NPHP4: variants seen among roughly 807,000 people sequenced by gnomAD.
The protein encoded by NPHP4 is nephrocystin 4, also known as nephrocystin-4.
In NPHP4, 151 loss-of-function variants were observed where a neutral mutation model predicts 155.8. That is an observed-to-expected ratio of 0.97 (90% CI 0.85 to 1.11). The LOEUF is 1.11. Ranked by LOEUF, NPHP4 falls within the 50% of genes least tolerant of loss-of-function variation. NPHP4 has a pLI of 0.00. For missense variants in NPHP4, 1,956 were observed against 1,925.7 expected (o/e 1.02, Z -0.29); for synonymous variants, 845 against 816.8 (o/e 1.03, Z -0.59).
intron 11 of NPHP4, among the ~76,000 whole-genome samples, chr1:5,909,744 T>C (rs1275643703): frequency 1.3e-5 from 2 of 152,138 alleles, no homozygotes; most frequent in Non-Finnish European, 2.9e-5. Context: ...GAGGCGCACC[T>C]GGGGGAGGCA....
chr1:5,864,365 G>C lies in NPHP4; in HGVS notation c.3969C>G (p.Leu1323=). The C allele has an allele frequency of 6.2e-7, 1 of 1,609,088 alleles. No homozygotes were observed. The highest frequency in any genetic ancestry group is 8.5e-7 in the Non-Finnish European group (1 of 1,177,776). The change falls in exon 28 of 30, where the codon CTC becomes CTG. Residue 1323 remains leucine (L), a synonymous_variant. Transcript: ENST00000378156. ...HQLVASWLVC[L]CCRQPLISKA... Reference sequence around the variant, plus strand: ...TGGAGATGAGCGGCTGGCGGCAGCAGAGGCACACGAGCCAGGAGGCCACCA... The same window carrying C: ...TGGAGATGAGCGGCTGGCGGCAGCACAGGCACACGAGCCAGGAGGCCACCA...
chr1:5,983,233 C>T (rs1210663451), intron 2 of NPHP4, among the ~76,000 whole-genome samples: 1 of 152,024 alleles, frequency 6.6e-6, no homozygotes, highest in Non-Finnish European at 1.5e-5. Context: ...TAGTTCTGTC[C>T]AATTTTGCTC....
chr1:5,972,172 G>A (rs1173670416), intron 3 of NPHP4, among the ~76,000 whole-genome samples: 1 of 152,256 alleles, frequency 6.6e-6, no homozygotes, highest in Non-Finnish European at 1.5e-5. Flanking sequence ...AGGCCAGAGA[G>A]GAGCTGAGCA....
intron 9 of NPHP4, among the ~76,000 whole-genome samples, chr1:5,940,122 G>T (rs1389585165): frequency 1.3e-5 from 2 of 152,178 alleles, no homozygotes; most frequent in Non-Finnish European, 2.9e-5. Context: ...TCCCCCAAAA[G>T]GCATGTGTTG....
intron 23 of NPHP4, among the ~76,000 whole-genome samples, chr1:5,869,162 G>A (rs1397459205): frequency 8.3e-6 from 1 of 121,144 alleles, no homozygotes; most frequent in Non-Finnish European, 1.7e-5. Context: ...GCACACACAC[G>A]CACCCACATG....
intron 16 of NPHP4, among the ~76,000 whole-genome samples, chr1:5,895,644 C>T (rs750473702): frequency 3.9e-5 from 6 of 152,194 alleles, no homozygotes; most frequent in Non-Finnish European, 8.8e-5. Flanking sequence ...CCAGTGGCCC[C>T]GGGCAGCGGC....
chr1:5,869,113 A>G (rs564941666), intron 23 of NPHP4, among the ~76,000 whole-genome samples: 2 of 132,956 alleles, frequency 1.5e-5, no homozygotes, highest in Non-Finnish European at 1.7e-5. Flanking sequence ...ATGCACCCAC[A>G]TGCACACACG....
chr1:5,947,915 A>G (rs1004612336), intron 8 of NPHP4, among the ~76,000 whole-genome samples, 155 bp downstream of exon 8: 3 of 152,216 alleles, frequency 2.0e-5, no homozygotes, highest in Non-Finnish European at 4.4e-5. Context: ...TCCAACTCCA[A>G]AGTTTGTTCC....
intron 5 of NPHP4, among the ~76,000 whole-genome samples, chr1:5,965,963 A>G (rs933254705): frequency 1.3e-5 from 2 of 152,068 alleles, no homozygotes; most frequent in Non-Finnish European, 2.9e-5. Context: ...CTTCTCTCAT[A>G]AACACGCAGG....
intron 12 of NPHP4, 62 bp from the exon 13 acceptor site, chr1:5,907,284 C>A: frequency 9.3e-7 from 1 of 1,079,562 alleles, no homozygotes; most frequent in Admixed American, 2.3e-5. Context: ...CACAAAGCTC[C>A]CAACATGCAC....
intron 18 of NPHP4, among the ~76,000 whole-genome samples, chr1:5,885,815 A>G (rs550059409): frequency 1.4e-4 from 22 of 152,258 alleles, no homozygotes; most frequent in Non-Finnish European, 2.5e-4. Flanking sequence ...AAGAAAAGCC[A>G]TAACACCTTT....
At chr1:5,970,893 T>C (rs1212839051) in intron 3 of NPHP4, among the ~76,000 whole-genome samples, 1 of 152,158 alleles carries the variant, frequency 6.6e-6, no homozygotes, top group Non-Finnish European at 1.5e-5. Context: ...TTTATTGCAA[T>C]ATGATGAAAT....
intron 23 of NPHP4, among the ~76,000 whole-genome samples, chr1:5,869,366 GCACA>G (rs1236582934): frequency 2.7e-5 from 4 of 149,794 alleles, no homozygotes; most frequent in Non-Finnish European, 4.4e-5. Context: ...ACACATGCAT[GCACA>G]CACACATGCA....
At chr1:5,871,818 G>A (rs981968080) in intron 23 of NPHP4, among the ~76,000 whole-genome samples, 3 of 152,220 alleles carry the variant, frequency 2.0e-5, no homozygotes, top group African/African-American at 7.2e-5. Context: ...CGTGGTTACA[G>A]CCCCAGCAGA....
rs371207410 is a variant in NPHP4, at chr1:5,969,221, G to T, written c.318C>A (p.Ile106=). ...YFHTSLNHPH[I]VAVVEVVAEG... is the part of the protein sequence containing the mutation. The stretch of plus-strand genomic sequence containing the variant: ...CAGCGACCACTTCCACCACAGCCAC[G>T]ATATGAGGGTGGTTTAGGGATGTGT... Residue 106 remains isoleucine (I), a synonymous_variant, in exon 4 of 30, where the codon ATC becomes ATA. Coordinates refer to ENST00000378156, the MANE Select transcript of NPHP4 (RefSeq NM_015102.5). The T allele has an allele frequency of 3.8e-6, 6 of 1,583,106 alleles. No individual in the cohort carries two copies. The Admixed American group carries it at 8.8e-5, about 23-fold the overall frequency.
chr1:5,933,110 C>A, intron 10 of NPHP4, 37 bp downstream of exon 10: 1 of 1,423,008 alleles, frequency 7.0e-7, no homozygotes, highest in Non-Finnish European at 9.5e-7. Flanking sequence ...TTGCTAGAAG[C>A]TCACCGGAGA....
intron 5 of NPHP4, among the ~76,000 whole-genome samples, chr1:5,964,941 A>ATATATTTTTTTTTTTTTTT: frequency 3.7e-4 from 22 of 59,422 alleles, no homozygotes; most frequent in Non-Finnish European, 4.6e-4. Context: ...ATATATATAT[A>ATATATTTTTTTTTTTTTTT]TTTTTTTTTT....
At chr1:5,965,382 G>A (rs910147672) in intron 5 of NPHP4, among the ~76,000 whole-genome samples, 4 of 152,234 alleles carry the variant, frequency 2.6e-5, no homozygotes, top group East Asian at 1.9e-4. Context: ...CCACACAGAC[G>A]CATGGACATG....
chr1:5,866,174 C>T (rs1050776443), intron 26 of NPHP4, 199 bp downstream of exon 26: 18 of 602,318 alleles, frequency 3.0e-5, no homozygotes, highest in South Asian at 5.7e-5. Flanking sequence ...TCAGGCTGCA[C>T]GTGCCCCTCC....
Sources: gnomAD v4.1 joint callset for allele counts (sites outside exome capture counted in the v4.1 genomes callset) on GRCh38, gnomAD v4.1.1 for gene constraint, MANE v1.5 for transcripts, NCBI Gene and HGNC (gene_info 2026-07-23, HGNC 2026-07-21) for gene names.